ATPAF2: variants seen among roughly 807,000 people sequenced by gnomAD.
ATPAF2 encodes ATP12 homolog.
In ATPAF2, 30 loss-of-function variants were observed where a neutral mutation model predicts 36.6. The observed-to-expected ratio is 0.82, with a 90% CI of 0.61 to 1.11. The LOEUF is 1.11. Among genes scored for constraint, ATPAF2 ranks in the 50% most tolerant of loss-of-function variants. ATPAF2 has a pLI of 0.00. For synonymous variants in ATPAF2, 140 were observed against 152.6 expected (o/e 0.92, Z 0.61); for missense variants, 321 against 372.3 (o/e 0.86, Z 1.13).
Position 18,033,302 on chromosome 17 carries a change from T to A in ATPAF2, c.134-4643A>T, listed in dbSNP as rs529341781. On this transcript the variant is annotated intron_variant, in intron 1 of 7. Coordinates refer to ENST00000474627, the MANE Select transcript of ATPAF2 (RefSeq NM_145691.4). ...AGTTGAACCCAGGAGGCGGAGGTTGTAGTGAACCAAGATTGCGCCACTGCA... is the reference window on the plus strand; with the variant it reads ...AGTTGAACCCAGGAGGCGGAGGTTGAAGTGAACCAAGATTGCGCCACTGCA... Among the ~76,000 whole-genome samples the A allele has an allele frequency of 4.0e-4, 59 of 149,008 alleles. No homozygotes were observed. The South Asian group carries it at 0.013, about 32-fold the overall frequency.
At chr17:18,021,671 G>C in intron 6 of ATPAF2, 74 bp downstream of exon 6, 1 of 1,307,556 alleles carries the variant, frequency 7.6e-7, no homozygotes, top group South Asian at 1.2e-5. Context: ...GACCTGGGGA[G>C]GGGCAAGTAC....
chr17:18,016,902 G>A (rs1250686885), downstream of ATPAF2: 5 of 381,390 alleles, frequency 1.3e-5, no homozygotes, highest in African/African-American at 6.2e-5. Flanking sequence ...AGCTGGGTGC[G>A]GTGGTTCACG....
rs547389437 is a variant in ATPAF2, at chr17:18,018,495, G to A, written c.*54C>T. ...CACAGGCTGGGGAGCCCTGAAGGCCGGGGGAGCTGTGGCTGCACTGCCTCT... is the reference window on the plus strand; with the variant it reads ...CACAGGCTGGGGAGCCCTGAAGGCCAGGGGAGCTGTGGCTGCACTGCCTCT... On this transcript the variant is annotated 3_prime_UTR_variant, in exon 8 of 8. Coordinates refer to ENST00000474627, the MANE Select transcript of ATPAF2 (RefSeq NM_145691.4). The A allele has an allele frequency of 1.6e-5, 26 of 1,606,518 alleles. No homozygotes were observed. The highest frequency in any genetic ancestry group is 2.0e-4 in the Middle Eastern group (1 of 4,984).
intron 7 of ATPAF2, chr17:18,020,625 G>A (rs757973902): frequency 4.2e-4 from 68 of 163,522 alleles, no homozygotes; most frequent in Non-Finnish European, 8.6e-4. Context: ...TGGATACAAT[G>A]CAGGAACACA....
At chr17:18,032,314 A>G (rs1219597805) in intron 1 of ATPAF2, among the ~76,000 whole-genome samples, 1 of 152,252 alleles carries the variant, frequency 6.6e-6, no homozygotes, top group Non-Finnish European at 1.5e-5. Context: ...TGGGACAGCC[A>G]GGTTTCCCAA....
At chr17:18,031,518 C>T (rs918703998) in intron 1 of ATPAF2, among the ~76,000 whole-genome samples, 9 of 151,858 alleles carry the variant, frequency 5.9e-5, no homozygotes, top group Admixed American at 3.9e-4. Flanking sequence ...GCGGTGGTCA[C>T]GCCTGTAATC....
chr17:18,017,349 C>G (rs569381887), downstream of ATPAF2, among the ~76,000 whole-genome samples: 2 of 152,334 alleles, frequency 1.3e-5, no homozygotes, highest in South Asian at 4.1e-4. Flanking sequence ...GCCGTTTCCC[C>G]TGCCATGCCT....
chr17:18,035,230 TAAAAAC>T (rs1258176592), intron 1 of ATPAF2, among the ~76,000 whole-genome samples: 1 of 150,792 alleles, frequency 6.6e-6, no homozygotes, highest in Non-Finnish European at 1.5e-5. Context: ...CCCAATCTCT[TAAAAAC>T]AAAAAAAAAC....
chr17:18,026,438 C>T, intron 3 of ATPAF2, 22 bp from the exon 4 acceptor site: 2 of 1,595,368 alleles, frequency 1.3e-6, no homozygotes. Context: ...GCAAAAACCA[C>T]CCTGTCACTG....
chr17:18,018,537 T>C lies in ATPAF2; in HGVS notation c.*12A>G, dbSNP rs1857320340. The stretch of plus-strand genomic sequence containing the variant: ...ACTGCCTCTATCCTGCTGAGTGTGC[T>C]CTGCCCAGGCCTCACTCCTTCAGGA... On this transcript the variant is annotated 3_prime_UTR_variant, in exon 8 of 8. Transcript: ENST00000474627. The C allele has an allele frequency of 1.2e-6, 2 of 1,613,192 alleles. No individual in the cohort carries two copies.
rs770015610 is a variant in ATPAF2, at chr17:18,021,142, C to A, written c.713G>T (p.Arg238Leu). 8.7e-6 allele frequency: 14 copies of A among 1,613,768 alleles called. No homozygotes were observed. The highest frequency in any genetic ancestry group is 1.2e-5 in the Non-Finnish European group (14 of 1,179,918). ...LTVEQAVLLS[R>L]LEEEYQIQKW... ...CCTCACCTGGTACTCCTCCTCCAGG[C>A]GTGACAGCAGCACGGCCTGCTCCAC... The change falls in exon 7 of 8, where the codon CGC (arginine) becomes CTC (leucine). Residue 238 changes from arginine (R) to leucine (L), a missense_variant. Physicochemically the swap from Arg to Leu is moderately radical, Grantham distance 102. Coordinates refer to ENST00000474627, the MANE Select transcript of ATPAF2 (RefSeq NM_145691.4).
At chr17:18,035,706 T>C (rs1331422118) in intron 1 of ATPAF2, among the ~76,000 whole-genome samples, 2 of 152,248 alleles carry the variant, frequency 1.3e-5, no homozygotes, top group Non-Finnish European at 2.9e-5. Context: ...ATAGATGATA[T>C]GTAAATGAAT....
intron 1 of ATPAF2, among the ~76,000 whole-genome samples, chr17:18,030,231 G>T (rs1483125516): frequency 6.9e-6 from 1 of 145,572 alleles, no homozygotes; most frequent in Non-Finnish European, 1.5e-5. Context: ...TGAGGCAGGA[G>T]AATCGCTTGA....
At chr17:18,031,924 G>C (rs1261972188) in intron 1 of ATPAF2, among the ~76,000 whole-genome samples, 3 of 152,190 alleles carry the variant, frequency 2.0e-5, no homozygotes, top group Non-Finnish European at 4.4e-5. Flanking sequence ...GCACCCTACT[G>C]CTTTTAAATT....
At chr17:18,017,682 A>G (rs758589795), downstream of ATPAF2, among the ~76,000 whole-genome samples, 1 of 152,260 alleles carries the variant, frequency 6.6e-6, no homozygotes, top group Non-Finnish European at 1.5e-5. Context: ...GCATGCGATC[A>G]GTGCCCTGTG....
At chr17:18,029,093 G>A (rs1038230013) in intron 1 of ATPAF2, among the ~76,000 whole-genome samples, 11 of 152,188 alleles carry the variant, frequency 7.2e-5, no homozygotes, top group African/African-American at 1.4e-4. Flanking sequence ...GCCAGTGTGC[G>A]TGCGCAGGGT....
rs1054531066 is a variant in ATPAF2, at chr17:18,018,360, T to C, written c.*189A>G. On this transcript the variant is annotated 3_prime_UTR_variant, in exon 8 of 8. Coordinates refer to ENST00000474627, the MANE Select transcript of ATPAF2 (RefSeq NM_145691.4). The stretch of plus-strand genomic sequence containing the variant: ...CACTGCTGGCCAGGCCAGGGGCACC[T>C]GGGTTGAAATCAGGCTGACCTCCGG... 3 of 724,526 alleles carry C rather than the reference T, an allele frequency of 4.1e-6. No homozygotes were observed. The highest frequency in any genetic ancestry group is 6.8e-6 in the Non-Finnish European group (3 of 438,822). The allele number at this position is 724,526 out of a possible 1,614,324, so 44.9% of individuals were successfully genotyped here.
chr17:18,037,957 A>C (rs1361213471), intron 1 of ATPAF2, among the ~76,000 whole-genome samples: 1 of 152,240 alleles, frequency 6.6e-6, no homozygotes, highest in Non-Finnish European at 1.5e-5. Flanking sequence ...CTAAACCCTG[A>C]ACATCCCCAA....
At chr17:18,022,597 T>A (rs1042543559) in intron 5 of ATPAF2, among the ~76,000 whole-genome samples, 2 of 148,588 alleles carry the variant, frequency 1.3e-5, no homozygotes, top group African/African-American at 4.9e-5. Flanking sequence ...TTTCAAACTT[T>A]TTTTTTTTTT....
Sources: allele counts gnomAD v4.1 joint callset (sites outside exome capture counted in the v4.1 genomes callset), GRCh38; gene constraint gnomAD v4.1.1; transcripts MANE v1.5; gene names NCBI Gene and HGNC (gene_info 2026-07-23, HGNC 2026-07-21).